The following GRID2 variants were observed in gnomAD, a reference collection of about 807,000 sequenced individuals.
GRID2 encodes glutamate receptor ionotropic, delta-2.
In GRID2, 33 loss-of-function variants were observed where a neutral mutation model predicts 114.8. The ratio of observed to expected loss-of-function variants is 0.29; its 90% CI spans 0.22 to 0.38. GRID2 has a LOEUF of 0.38. Ranked by LOEUF, GRID2 falls within the 10% of genes least tolerant of loss-of-function variation. GRID2 has a pLI of 1.00. For missense variants in GRID2, 1,184 were observed against 1,257.7 expected, an observed-to-expected ratio of 0.94 and a Z score of 0.89; for synonymous variants, 505 against 449.9, an observed-to-expected ratio of 1.12 and a Z score of -1.55.
chr4:92,707,927 C>T (rs1157748108), intron 2 of GRID2, among the ~76,000 whole-genome samples: 7 of 151,982 alleles, frequency 4.6e-5, no homozygotes, highest in East Asian at 1.9e-4. Flanking sequence ...AAAAAACCAA[C>T]GAACAAACTT....
At position 93,204,845 on chromosome 4, in the gene GRID2, G is replaced by A. The variant is rs537861529; in HGVS notation, c.736-2559G>A. 1.2e-4 allele frequency among the ~76,000 whole-genome samples: 18 copies of A among 152,200 alleles called. No homozygotes were observed. The South Asian group carries it at 1.7e-3, about 14-fold the overall frequency. On this transcript the variant is annotated intron_variant, in intron 4 of 15. Coordinates refer to ENST00000282020, the MANE Select transcript of GRID2 (RefSeq NM_001510.4). ...ATTTTGCCTTATCTGATTACATAGCGAAGATTATTATTTAGCTTCAAATGA... is the reference window on the plus strand; with the variant it reads ...ATTTTGCCTTATCTGATTACATAGCAAAGATTATTATTTAGCTTCAAATGA...
chr4:93,439,603 T>A (rs1384081630), intron 10 of GRID2, among the ~76,000 whole-genome samples: 10 of 152,056 alleles, frequency 6.6e-5, no homozygotes, highest in African/African-American at 2.2e-4. Flanking sequence ...AAAACTTCAT[T>A]GGGAATGTTG....
intron 1 of GRID2, among the ~76,000 whole-genome samples, chr4:92,306,126 G>T (rs1725392532): frequency 6.6e-6 from 1 of 152,220 alleles, no homozygotes; most frequent in African/African-American, 2.4e-5. Context: ...TAGCGTGCGC[G>T]CCCACAGTGG....
chr4:93,321,040 A>G (rs563509533), intron 8 of GRID2, among the ~76,000 whole-genome samples: 1 of 152,088 alleles, frequency 6.6e-6, no homozygotes, highest in Non-Finnish European at 1.5e-5. Context: ...TAGTTGCCCC[A>G]AATTGGGCAA....
At chr4:92,638,969 T>C (rs1301529542) in intron 2 of GRID2, among the ~76,000 whole-genome samples, 1 of 151,286 alleles carries the variant, frequency 6.6e-6, no homozygotes, top group East Asian at 2.0e-4. Context: ...AGTATCCTTA[T>C]GAGGAAATTT....
intron 4 of GRID2, among the ~76,000 whole-genome samples, chr4:93,142,111 G>A (rs1028964268): frequency 6.6e-6 from 1 of 152,164 alleles, no homozygotes; most frequent in Non-Finnish European, 1.5e-5. Flanking sequence ...CCACCCAGGA[G>A]GCTGAGGCAT....
intron 1 of GRID2, among the ~76,000 whole-genome samples, chr4:92,382,619 T>C (rs1458258438): frequency 6.6e-6 from 1 of 151,974 alleles, no homozygotes; most frequent in African/African-American, 2.4e-5. Context: ...ATAGAATGAG[T>C]TATTGATTAT....
At chr4:93,248,916 C>G (rs552592852) in intron 8 of GRID2, among the ~76,000 whole-genome samples, 138 of 152,232 alleles carry the variant, frequency 9.1e-4, no homozygotes, top group African/African-American at 3.2e-3. Flanking sequence ...TTAGACATCA[C>G]TAAGACATTA....
intron 7 of GRID2, among the ~76,000 whole-genome samples, chr4:93,225,857 G>A (rs1745424607): frequency 6.6e-6 from 1 of 152,042 alleles, no homozygotes; most frequent in Non-Finnish European, 1.5e-5. Flanking sequence ...CTCAAGGCTG[G>A]GAAGTCCAAG....
chr4:92,971,305 T>C (rs577059592), intron 2 of GRID2, among the ~76,000 whole-genome samples: 3 of 152,166 alleles, frequency 2.0e-5, no homozygotes, highest in African/African-American at 7.2e-5. Context: ...TATACAAAAA[T>C]AAATTACATA....
At chr4:92,547,963 A>G (rs1284868760) in intron 1 of GRID2, among the ~76,000 whole-genome samples, 1 of 152,176 alleles carries the variant, frequency 6.6e-6, no homozygotes, top group East Asian at 1.9e-4. Context: ...AAACAAACAG[A>G]AAAAATAATT....
chr4:93,217,503 C>T (rs1045013099), intron 6 of GRID2, among the ~76,000 whole-genome samples: 2 of 152,110 alleles, frequency 1.3e-5, no homozygotes, highest in Non-Finnish European at 2.9e-5. Flanking sequence ...CATAAGAATG[C>T]CCTTTAAATA....
At chr4:92,499,081 C>A (rs1391261192) in intron 1 of GRID2, among the ~76,000 whole-genome samples, 1 of 151,788 alleles carries the variant, frequency 6.6e-6, no homozygotes, top group Non-Finnish European at 1.5e-5. Context: ...TATACAGATG[C>A]ATAGTTTGAG....
At chr4:92,994,617 C>T (rs1451772642) in intron 2 of GRID2, among the ~76,000 whole-genome samples, 2 of 152,134 alleles carry the variant, frequency 1.3e-5, no homozygotes, top group African/African-American at 4.8e-5. Flanking sequence ...AGCCACCATG[C>T]CCACCCTATC....
chr4:92,385,176 T>G (rs1045430422), intron 1 of GRID2, among the ~76,000 whole-genome samples: 4 of 151,660 alleles, frequency 2.6e-5, no homozygotes, highest in African/African-American at 7.3e-5. Context: ...TCATAAACAG[T>G]TAGGATGCAC....
intron 8 of GRID2, among the ~76,000 whole-genome samples, chr4:93,323,841 C>A (rs760491199): frequency 6.6e-6 from 1 of 152,114 alleles, no homozygotes; most frequent in African/African-American, 2.4e-5. Context: ...TGATTTGGCT[C>A]TCTGTTTGTC....
chr4:92,928,149 T>C (rs886185289), intron 2 of GRID2, among the ~76,000 whole-genome samples: 1 of 151,618 alleles, frequency 6.6e-6, no homozygotes, highest in Non-Finnish European at 1.5e-5. Flanking sequence ...CAGAACCAGA[T>C]ACAGGTGCAA....
intron 2 of GRID2, among the ~76,000 whole-genome samples, chr4:92,659,263 T>A (rs1478042365): frequency 6.6e-6 from 1 of 151,614 alleles, no homozygotes; most frequent in African/African-American, 2.4e-5. Context: ...TTATTGCCAT[T>A]TACATGTTTT....
intron 1 of GRID2, among the ~76,000 whole-genome samples, chr4:92,402,604 T>C (rs1238796964): frequency 6.6e-6 from 1 of 152,204 alleles, no homozygotes; most frequent in African/African-American, 2.4e-5. Flanking sequence ...TCTTGTTTTA[T>C]GAGCACCAGA....
Sources: gnomAD v4.1 joint callset for allele counts (sites outside exome capture counted in the v4.1 genomes callset) on GRCh38, gnomAD v4.1.1 for gene constraint, MANE v1.5 for transcripts, NCBI Gene and HGNC (gene_info 2026-07-23, HGNC 2026-07-21) for gene names.